CALD1: variants seen among roughly 807,000 people sequenced by gnomAD.
CALD1 encodes the protein caldesmon.
In CALD1, 33 loss-of-function variants were observed where a neutral mutation model predicts 99.9. The observed-to-expected ratio is 0.33, with a 90% confidence interval of 0.25 to 0.44. The LOEUF is 0.44. Ranked by LOEUF, CALD1 falls within the 20% of genes least tolerant of loss-of-function variation. CALD1 has a pLI of 1.00. For synonymous variants in CALD1, 310 were observed against 325.0 expected (o/e 0.95, Z 0.50); for missense variants, 861 against 962.1 (o/e 0.89, Z 1.39).
intron 7 of CALD1, among the ~76,000 whole-genome samples, chr7:134,945,860 A>T (rs928386493): frequency 6.6e-6 from 1 of 152,254 alleles, no homozygotes; most frequent in African/African-American, 2.4e-5. Context: ...CACTGTGTTT[A>T]GCTCTTAATC....
At chr7:134,920,778 G>A (rs1454756718) in intron 3 of CALD1, 3 of 865,596 alleles carry the variant, frequency 3.5e-6, no homozygotes, top group Admixed American at 4.7e-5. Context: ...CTGTCAGATA[G>A]TGAGTTTATT....
At chr7:134,726,548 G>A in the CALD1 span, among the ~76,000 whole-genome samples, 2 of 146,274 alleles carry the variant, frequency 1.4e-5, no homozygotes, top group East Asian at 2.0e-4. Context: ...ATCAGGACAC[G>A]GATGCTGCCA....
chr7:134,877,305 T>A (rs1235935344), intron 3 of CALD1, among the ~76,000 whole-genome samples: 1 of 152,172 alleles, frequency 6.6e-6, no homozygotes, highest in Non-Finnish European at 1.5e-5. Flanking sequence ...CTGTTTCAGA[T>A]CTGTTTTAGC....
intron 3 of CALD1, among the ~76,000 whole-genome samples, chr7:134,889,621 C>T (rs997178271): frequency 3.3e-5 from 5 of 152,122 alleles, no homozygotes; most frequent in Non-Finnish European, 7.3e-5. Flanking sequence ...GGGCAAAATT[C>T]GGTAGAAAGA....
intron 2 of CALD1, among the ~76,000 whole-genome samples, chr7:134,856,203 C>A (rs539693819): frequency 1.3e-5 from 2 of 152,160 alleles, no homozygotes; most frequent in Admixed American, 6.5e-5. Flanking sequence ...AGTGCTTTAG[C>A]GAGGAAACAG....
the CALD1 span, among the ~76,000 whole-genome samples, chr7:134,736,076 G>T: frequency 6.6e-6 from 1 of 152,168 alleles, no homozygotes; most frequent in Non-Finnish European, 1.5e-5. Flanking sequence ...GAGCCTCATT[G>T]CTTCCTGCAT....
intron 1 of CALD1, among the ~76,000 whole-genome samples, chr7:134,749,600 C>G (rs574447110): frequency 2.0e-5 from 3 of 151,884 alleles, no homozygotes; most frequent in East Asian, 1.9e-4. Context: ...GCAAAAAGAG[C>G]GAAAAAAAGC....
In CALD1 at chr7:134,911,856, C is replaced by T. The variant is rs544599817; in HGVS notation, c.72-16898C>T. ...TTGACTTGCTTTCAAGAAACACATGCCATAATATGGGAGATAATACACAAA... is the reference window on the plus strand; with the variant it reads ...TTGACTTGCTTTCAAGAAACACATGTCATAATATGGGAGATAATACACAAA... On this transcript the variant is annotated intron_variant, in intron 3 of 14. Transcript: ENST00000361675. Among the ~76,000 whole-genome samples, 4 of 152,048 alleles carry T rather than the reference C, an allele frequency of 2.6e-5. No individual in the cohort carries two copies. The South Asian group carries it at 8.3e-4, about 32-fold the overall frequency.
At position 134,836,814 on chromosome 7, in the gene CALD1, A is replaced by G. The variant is rs569477052; in HGVS notation, c.-129-7070A>G. On this transcript the variant is annotated intron_variant, in intron 1 of 14. Transcript: ENST00000361675. Reference sequence around the variant, plus strand: ...ATAAACATCTGACCTTCATGGATACATTCTCATTGCTTCTCCAATCAGAAA... The same window carrying G: ...ATAAACATCTGACCTTCATGGATACGTTCTCATTGCTTCTCCAATCAGAAA... Among the ~76,000 whole-genome samples the G allele has an allele frequency of 2.0e-5, 3 of 152,326 alleles. No individual in the cohort carries two copies. In the South Asian group the frequency reaches 6.2e-4, roughly 32 times the overall value.
chr7:134,735,880 C>T, the CALD1 span, among the ~76,000 whole-genome samples: 1 of 152,126 alleles, frequency 6.6e-6, no homozygotes, highest in Non-Finnish European at 1.5e-5. Context: ...AAACACTATC[C>T]TATGCAGAAA....
chr7:134,781,777 T>C (rs950219055), intron 1 of CALD1, among the ~76,000 whole-genome samples: 7 of 152,204 alleles, frequency 4.6e-5, no homozygotes, highest in South Asian at 2.1e-4. Context: ...ATTTAAATCA[T>C]TCCAGTCAAA....
chr7:134,757,224 C>A (rs1473799427), intron 1 of CALD1, among the ~76,000 whole-genome samples: 3 of 152,094 alleles, frequency 2.0e-5, no homozygotes, highest in African/African-American at 4.8e-5. Context: ...ATGAAAACTG[C>A]ACTTACTTTA....
intron 9 of CALD1, 103 bp downstream of exon 9, chr7:134,950,617 T>C: frequency 2.1e-6 from 2 of 949,170 alleles, no homozygotes; most frequent in Non-Finnish European, 3.2e-6. Context: ...ATTTATCTTT[T>C]TGCTATCCTT....
At chr7:134,965,090 T>C in intron 13 of CALD1, 1 of 419,682 alleles carries the variant, frequency 2.4e-6, no homozygotes, top group Non-Finnish European at 4.4e-6. Context: ...CACTCCAGCT[T>C]GGGCTACAGA....
At chr7:134,879,255 G>C (rs1256715815) in intron 3 of CALD1, among the ~76,000 whole-genome samples, 1 of 152,214 alleles carries the variant, frequency 6.6e-6, no homozygotes, top group Non-Finnish European at 1.5e-5. Flanking sequence ...GGCTGTGTAA[G>C]TGGGCTGTGT....
At chr7:134,717,990 A>C in the CALD1 span, among the ~76,000 whole-genome samples, 1 of 152,190 alleles carries the variant, frequency 6.6e-6, no homozygotes, top group African/African-American at 2.4e-5. Flanking sequence ...GAAAAAAAAC[A>C]ATACTAACTA....
rs558320003 is a variant in CALD1 at position 134,829,173 on chromosome 7, A to G, written c.-129-14711A>G. ...TGGAGATTTCAGTCTAGTAGAAAAG[A>G]CAGATATTAAATACATAAGTAACCA... is the stretch of plus-strand genomic sequence containing the variant. On this transcript the variant is annotated intron_variant, in intron 1 of 14. Coordinates refer to ENST00000361675, the MANE Select transcript of CALD1 (RefSeq NM_033138.4). Among the ~76,000 whole-genome samples, 38 of 152,342 alleles carry G rather than the reference A, an allele frequency of 2.5e-4. No individual in the cohort carries two copies. In the East Asian group the frequency reaches 6.9e-3, roughly 28 times the overall value.
chr7:134,949,061 GC>G (rs1807133706), intron 8 of CALD1, among the ~76,000 whole-genome samples: 1 of 152,094 alleles, frequency 6.6e-6, no homozygotes. Flanking sequence ...TATCTACTTT[GC>G]AGGATTCTTC....
intron 1 of CALD1, among the ~76,000 whole-genome samples, chr7:134,792,382 C>T (rs1797574262): frequency 6.6e-6 from 1 of 151,488 alleles, no homozygotes; most frequent in African/African-American, 2.4e-5. Context: ...CTCCATCTCC[C>T]AGGTTCAAGC....
Sources: gnomAD v4.1 joint callset for allele counts (sites outside exome capture counted in the v4.1 genomes callset) on GRCh38, gnomAD v4.1.1 for gene constraint, MANE v1.5 for transcripts, NCBI Gene and HGNC (gene_info 2026-07-23, HGNC 2026-07-21) for gene names.